Variants in ARHGAP24 observed in about 807,000 individuals in gnomAD.
ARHGAP24 encodes the protein rho GTPase-activating protein 24.
In ARHGAP24, 50 loss-of-function variants were observed where a neutral mutation model predicts 76.4. The ratio of observed to expected loss-of-function variants is 0.65; its 90% CI spans 0.52 to 0.83. The LOEUF is 0.83. ARHGAP24 is among the 40% of genes least tolerant of loss of function. The probability of loss-of-function intolerance (pLI) is 0.00; values close to 1 mark genes in which losing one functional copy is unlikely to be tolerated. For synonymous variants in ARHGAP24, 345 were observed against 323.3 expected, an observed-to-expected ratio of 1.07 and a Z score of -0.72; for missense variants, 930 against 914.2, an observed-to-expected ratio of 1.02 and a Z score of -0.22.
At chr4:85,533,425 A>C (rs1725346286) in intron 1 of ARHGAP24, among the ~76,000 whole-genome samples, 2 of 152,132 alleles carry the variant, frequency 1.3e-5, no homozygotes, top group Non-Finnish European at 2.9e-5. Flanking sequence ...TGTCAGTCAA[A>C]TTATATTGTC....
intron 5 of ARHGAP24, among the ~76,000 whole-genome samples, chr4:85,950,267 A>AG (rs1445258063): frequency 2.0e-5 from 3 of 152,046 alleles, no homozygotes; most frequent in Admixed American, 1.3e-4. Context: ...CCGAAGTGGG[A>AG]GGATCCCTTA....
intron 3 of ARHGAP24, among the ~76,000 whole-genome samples, chr4:85,804,354 T>A (rs2110107305): frequency 6.6e-6 from 1 of 152,320 alleles, no homozygotes; most frequent in Middle Eastern, 3.4e-3. Flanking sequence ...ACTTGGATCA[T>A]CAGTAGTTGT....
chr4:85,962,988 A>C (rs894481630), intron 5 of ARHGAP24, among the ~76,000 whole-genome samples: 1 of 151,980 alleles, frequency 6.6e-6, no homozygotes, highest in African/African-American at 2.4e-5. Flanking sequence ...TTCTACAAAG[A>C]ACAAAATATA....
At chr4:85,825,711 TA>T (rs541432092) in intron 3 of ARHGAP24, among the ~76,000 whole-genome samples, 2 of 152,250 alleles carry the variant, frequency 1.3e-5, no homozygotes, top group South Asian at 2.1e-4. Context: ...AATTCATTGT[TA>T]AAAAAAATCA....
At chr4:85,665,349 T>C (rs920656176) in intron 2 of ARHGAP24, among the ~76,000 whole-genome samples, 2 of 152,166 alleles carry the variant, frequency 1.3e-5, no homozygotes, top group Admixed American at 6.5e-5. Context: ...CTGCCTTTTT[T>C]TGTTTTCCAT....
chr4:85,694,058 C>T (rs945588741), intron 2 of ARHGAP24, among the ~76,000 whole-genome samples: 1 of 152,202 alleles, frequency 6.6e-6, no homozygotes, highest in Non-Finnish European at 1.5e-5. Context: ...GAGTACCCCA[C>T]GGATGGTTCA....
chr4:85,940,886 G>A (rs189395274), intron 4 of ARHGAP24, among the ~76,000 whole-genome samples: 33 of 152,172 alleles, frequency 2.2e-4, no homozygotes, highest in Middle Eastern at 3.4e-3. Context: ...GTAACAATTC[G>A]TTATTGCTTG....
rs562728755 is a variant in ARHGAP24 at position 85,951,597 on chromosome 4, T to A, written c.599+9324T>A. ...ATGGATCCGTTTGGGGTCCATAGCC[T>A]CAAAATGATAAAAATACAGACTGTG... On this transcript the variant is annotated intron_variant, in intron 5 of 9. Transcript: ENST00000395184. Among the ~76,000 whole-genome samples, 4 of 152,278 alleles carry A rather than the reference T, an allele frequency of 2.6e-5. No homozygotes were observed. In the South Asian group the frequency reaches 8.3e-4, roughly 32 times the overall value.
chr4:85,776,660 T>G (rs1727317968), intron 3 of ARHGAP24, among the ~76,000 whole-genome samples: 1 of 152,162 alleles, frequency 6.6e-6, no homozygotes, highest in South Asian at 2.1e-4. Context: ...CTTTGGTTCT[T>G]GAATTCAATA....
At chr4:85,611,758 C>G (rs4693716) in intron 2 of ARHGAP24, among the ~76,000 whole-genome samples, 1 of 152,130 alleles carries the variant, frequency 6.6e-6, no homozygotes, top group East Asian at 1.9e-4. Context: ...TGGCAAATGT[C>G]TGATGAAAAT....
chr4:85,648,163 T>C (rs921665114), intron 2 of ARHGAP24, among the ~76,000 whole-genome samples: 2 of 152,154 alleles, frequency 1.3e-5, no homozygotes, highest in East Asian at 3.9e-4. Flanking sequence ...GACTCAATTA[T>C]CTAAATGTGG....
chr4:85,921,503 C>G (rs944213488), intron 3 of ARHGAP24, among the ~76,000 whole-genome samples: 5 of 151,304 alleles, frequency 3.3e-5, no homozygotes, highest in Admixed American at 6.6e-5. Flanking sequence ...ATCTGTATAA[C>G]AAACCTGAAC....
intron 2 of ARHGAP24, among the ~76,000 whole-genome samples, chr4:85,644,186 C>T (rs1578103307): frequency 1.3e-5 from 2 of 152,046 alleles, no homozygotes; most frequent in African/African-American, 2.4e-5. Flanking sequence ...AGTACTTACC[C>T]GACATATTAC....
chr4:85,857,241 C>T (rs990315041), intron 3 of ARHGAP24, among the ~76,000 whole-genome samples: 20 of 152,072 alleles, frequency 1.3e-4, no homozygotes, highest in Admixed American at 6.6e-4. Flanking sequence ...ATTTCCTTAG[C>T]GTTTCAAGAT....
At chr4:85,661,842 T>C (rs895192633) in intron 2 of ARHGAP24, among the ~76,000 whole-genome samples, 3 of 152,164 alleles carry the variant, frequency 2.0e-5, no homozygotes, top group African/African-American at 7.2e-5. Context: ...ACAAAGGACA[T>C]GAACTCATCA....
intron 1 of ARHGAP24, among the ~76,000 whole-genome samples, chr4:85,562,538 T>C (rs979115725): frequency 6.6e-6 from 1 of 152,280 alleles, no homozygotes; most frequent in East Asian, 1.9e-4. Context: ...AGATTTAGAC[T>C]TTTATGATGG....
intron 2 of ARHGAP24, among the ~76,000 whole-genome samples, chr4:85,572,354 C>T (rs1727173428): frequency 6.6e-6 from 1 of 152,056 alleles, no homozygotes; most frequent in Non-Finnish European, 1.5e-5. Flanking sequence ...AGGGCCATAT[C>T]CCAGGCGATA....
chr4:85,930,751 G>A, intron 4 of ARHGAP24: 4 of 1,348,492 alleles, frequency 3.0e-6, no homozygotes, highest in Non-Finnish European at 3.8e-6. Context: ...CTAAACAGGA[G>A]TAAATGAGAG....
At chr4:85,679,023 A>T (rs1723101915) in intron 2 of ARHGAP24, among the ~76,000 whole-genome samples, 1 of 152,200 alleles carries the variant, frequency 6.6e-6, no homozygotes, top group Admixed American at 6.5e-5. Flanking sequence ...GTCACGCAAA[A>T]TATAAGAACT....
Sources: allele counts gnomAD v4.1 joint callset (sites outside exome capture counted in the v4.1 genomes callset), GRCh38; gene constraint gnomAD v4.1.1; transcripts MANE v1.5; gene names NCBI Gene and HGNC (gene_info 2026-07-23, HGNC 2026-07-21).